The following ITGBL1 variants were observed in gnomAD, a reference collection of about 807,000 sequenced individuals.
ITGBL1 encodes the protein integrin subunit beta like 1.
ITGBL1 carries 51 observed loss-of-function variants against 68.5 expected under a neutral mutation model. The observed-to-expected ratio is 0.74, with a 90% confidence interval of 0.59 to 0.94. The LOEUF (loss-of-function observed/expected upper bound fraction) is 0.94, where lower values mean the gene tolerates loss of function less well. Among genes scored for constraint, ITGBL1 ranks in the 40% least tolerant of loss-of-function variants. The pLI, the probability that ITGBL1 is intolerant of heterozygous loss-of-function variation, is 0.00. For missense variants in ITGBL1, 649 were observed against 647.4 expected (o/e 1.00, Z -0.03); for synonymous variants, 209 against 227.3 (o/e 0.92, Z 0.72).
chr13:101,718,782 A>G (rs752515941), downstream of ITGBL1: 34 of 124,636 alleles, frequency 2.7e-4, no homozygotes, highest in African/African-American at 7.0e-4. Context: ...GAAAACCAGG[A>G]AAAAAAAAAA....
chr13:101,644,587 TAAAG>T (rs1480340062), intron 7 of ITGBL1, among the ~76,000 whole-genome samples: 1 of 152,152 alleles, frequency 6.6e-6, no homozygotes, highest in Non-Finnish European at 1.5e-5. Flanking sequence ...AGCTGCCAAA[TAAAG>T]ATTTAAATTC....
intron 7 of ITGBL1, among the ~76,000 whole-genome samples, chr13:101,671,462 G>A (rs1396965712): frequency 8.0e-4 from 43 of 53,766 alleles, no homozygotes; most frequent in East Asian, 3.4e-3. Flanking sequence ...TTTTTGAGAC[G>A]GAGTCTCGCT....
chr13:101,482,282 A>G lies in ITGBL1; in HGVS notation c.316+28182A>G, dbSNP rs77941441. Among the ~76,000 whole-genome samples, 596 of 152,218 alleles carry G rather than the reference A, an allele frequency of 3.9e-3. 3 individuals are homozygous for G. The highest frequency in any genetic ancestry group is 0.014 in the African/African-American group (565 of 41,552). On this transcript the variant is annotated intron_variant, in intron 2 of 10. Coordinates refer to ENST00000376180, the MANE Select transcript of ITGBL1 (RefSeq NM_004791.3). ...GGACTGGGAAAGATGAGTGAGAAAT[A>G]AAATTATAGATTGCATGTTAAAAAG... is the stretch of plus-strand genomic sequence containing the variant.
At chr13:101,497,586 A>G (rs1329984130) in intron 2 of ITGBL1, among the ~76,000 whole-genome samples, 2 of 152,226 alleles carry the variant, frequency 1.3e-5, no homozygotes, top group Non-Finnish European at 2.9e-5. Flanking sequence ...TGAAGCTGGA[A>G]ACGAAAGACA....
chr13:101,509,218 T>G (rs1171251968), intron 2 of ITGBL1, among the ~76,000 whole-genome samples: 1 of 152,060 alleles, frequency 6.6e-6, no homozygotes, highest in Admixed American at 6.6e-5. Flanking sequence ...GAAACTCCCA[T>G]TTTTTAAACC....
chr13:101,645,153 G>A (rs2032517660), intron 7 of ITGBL1, among the ~76,000 whole-genome samples: 1 of 152,124 alleles, frequency 6.6e-6, no homozygotes, highest in Admixed American at 6.5e-5. Context: ...ACATGACCAA[G>A]TCTCTCATCA....
chr13:101,676,299 G>A (rs1304242674), intron 7 of ITGBL1, among the ~76,000 whole-genome samples: 1 of 151,612 alleles, frequency 6.6e-6, no homozygotes, highest in Admixed American at 6.6e-5. Flanking sequence ...CTTCCTTGAG[G>A]GACAGTTTAC....
chr13:101,482,998 T>A (rs1295743794), intron 2 of ITGBL1, among the ~76,000 whole-genome samples: 1 of 152,182 alleles, frequency 6.6e-6, no homozygotes, highest in Non-Finnish European at 1.5e-5. Flanking sequence ...GCTTCCATAG[T>A]CAAGTTTAAG....
intron 2 of ITGBL1, among the ~76,000 whole-genome samples, chr13:101,564,055 A>G (rs918909249): frequency 3.3e-5 from 5 of 152,004 alleles, no homozygotes; most frequent in South Asian, 4.1e-4. Context: ...TATTGTTAAG[A>G]TGGCAATTCT....
intron 2 of ITGBL1, among the ~76,000 whole-genome samples, chr13:101,510,402 A>G (rs909190819): frequency 6.6e-6 from 1 of 152,008 alleles, no homozygotes; most frequent in Non-Finnish European, 1.5e-5. Context: ...TCTTGATCCA[A>G]TCCACCATTG....
chr13:101,484,149 G>A (rs1199861968), intron 2 of ITGBL1, among the ~76,000 whole-genome samples: 2 of 151,582 alleles, frequency 1.3e-5, no homozygotes, highest in African/African-American at 4.9e-5. Flanking sequence ...ACTCCCAGAA[G>A]CAACATTTTA....
intron 8 of ITGBL1, among the ~76,000 whole-genome samples, chr13:101,697,639 G>A (rs1365549045): frequency 6.6e-6 from 1 of 152,142 alleles, no homozygotes; most frequent in African/African-American, 2.4e-5. Context: ...TGGACAGGTT[G>A]TTTGTCTTCT....
intron 7 of ITGBL1, among the ~76,000 whole-genome samples, chr13:101,680,997 G>A (rs575352367): frequency 1.2e-4 from 18 of 152,228 alleles, no homozygotes; most frequent in African/African-American, 4.1e-4. Flanking sequence ...GTGTGCACGT[G>A]CATTTTACCT....
At chr13:101,537,528 A>G (rs949009309) in intron 2 of ITGBL1, among the ~76,000 whole-genome samples, 2 of 152,062 alleles carry the variant, frequency 1.3e-5, no homozygotes, top group South Asian at 2.1e-4. Context: ...ATGAAAGTGT[A>G]CATTTTAAAT....
intron 2 of ITGBL1, among the ~76,000 whole-genome samples, chr13:101,465,855 A>G (rs763532802): frequency 1.3e-4 from 20 of 152,252 alleles, no homozygotes; most frequent in Non-Finnish European, 2.9e-4. Flanking sequence ...TTAAATTACC[A>G]TTATGGCTAT....
intron 7 of ITGBL1, among the ~76,000 whole-genome samples, chr13:101,630,476 G>A (rs2139407233): frequency 6.6e-6 from 1 of 152,204 alleles, no homozygotes; most frequent in African/African-American, 2.4e-5. Context: ...TACCCACAGA[G>A]CATGGTAAGT....
intron 7 of ITGBL1, among the ~76,000 whole-genome samples, chr13:101,660,093 G>C (rs1392540293): frequency 6.6e-6 from 1 of 152,138 alleles, no homozygotes; most frequent in Non-Finnish European, 1.5e-5. Flanking sequence ...CACCAGACAG[G>C]TTCTTCCTGC....
chr13:101,673,544 A>G (rs1029367547), intron 7 of ITGBL1, among the ~76,000 whole-genome samples: 5 of 152,226 alleles, frequency 3.3e-5, no homozygotes, highest in African/African-American at 4.8e-5. Flanking sequence ...AAAATAGGCC[A>G]CATAGTTACA....
At chr13:101,544,859 C>T (rs183949185) in intron 2 of ITGBL1, among the ~76,000 whole-genome samples, 23 of 152,316 alleles carry the variant, frequency 1.5e-4, no homozygotes, top group Admixed American at 3.9e-4. Flanking sequence ...AAGTCAGGCG[C>T]GAGATATAAT....
Sources: allele counts gnomAD v4.1 joint callset (sites outside exome capture counted in the v4.1 genomes callset), GRCh38; gene constraint gnomAD v4.1.1; transcripts MANE v1.5; gene names NCBI Gene and HGNC (gene_info 2026-07-23, HGNC 2026-07-21).